METTL9: variants seen among roughly 807,000 people sequenced by gnomAD.
METTL9 encodes methyltransferase 9, His-X-His N1(pi)-histidine.
METTL9 carries 10 observed loss-of-function variants against 36.0 expected under a neutral mutation model. The observed-to-expected ratio is 0.28, with a 90% confidence interval of 0.17 to 0.47. The LOEUF (loss-of-function observed/expected upper bound fraction) is 0.47, where lower values mean the gene tolerates loss of function less well. Ranked by LOEUF, METTL9 falls within the 20% of genes least tolerant of loss-of-function variation. The pLI, the probability that METTL9 is intolerant of heterozygous loss-of-function variation, is 0.99. For missense variants in METTL9, 246 were observed against 383.5 expected, an observed-to-expected ratio of 0.64 and a Z score of 3.00; for synonymous variants, 175 against 149.7, an observed-to-expected ratio of 1.17 and a Z score of -1.23.
intron 1 of METTL9, among the ~76,000 whole-genome samples, chr16:21,606,875 G>T (rs532609012): frequency 1.2e-4 from 19 of 152,098 alleles, no homozygotes; most frequent in African/African-American, 4.6e-4. Context: ...TTGTATTTTG[G>T]GAATGTTGTA....
intron 1 of METTL9, among the ~76,000 whole-genome samples, chr16:21,605,298 A>G (rs1365639054): frequency 2.6e-4 from 6 of 23,392 alleles, no homozygotes; most frequent in East Asian, 8.0e-4. Context: ...TTTTTTTTTG[A>G]GAAACAAGTT....
intron 4 of METTL9, among the ~76,000 whole-genome samples, chr16:21,650,218 G>A (rs1966531219): frequency 6.6e-6 from 1 of 152,114 alleles, no homozygotes; most frequent in Non-Finnish European, 1.5e-5. Context: ...TCTATAAAAG[G>A]AATAGAGGCT....
intron 4 of METTL9, chr16:21,644,292 T>G: frequency 6.2e-7 from 1 of 1,601,966 alleles, no homozygotes; most frequent in South Asian, 1.1e-5. Flanking sequence ...TGACTTACTT[T>G]GGAGAGGAGT....
chr16:21,625,154 G>A, intron 4 of METTL9, 39 bp downstream of exon 4: 2 of 1,600,112 alleles, frequency 1.2e-6, no homozygotes, highest in African/African-American at 2.7e-5. Flanking sequence ...ACTGAGGATA[G>A]CTGTTTATTG....
intron 4 of METTL9, chr16:21,646,934 G>T: frequency 1.5e-6 from 1 of 653,202 alleles, no homozygotes; most frequent in Non-Finnish European, 2.7e-6. Flanking sequence ...GATTACAGGT[G>T]TGAGCCACCA....
At chr16:21,624,796 C>A in intron 3 of METTL9, 135 bp from the exon 4 acceptor site, 1 of 804,340 alleles carries the variant, frequency 1.2e-6, no homozygotes, top group Non-Finnish European at 1.9e-6. Context: ...GTCATTATTG[C>A]AAACATAAAT....
At chr16:21,635,059 G>T (rs900342605) in intron 4 of METTL9, among the ~76,000 whole-genome samples, 1 of 152,130 alleles carries the variant, frequency 6.6e-6, no homozygotes, top group African/African-American at 2.4e-5. Flanking sequence ...CTCTCGGGCT[G>T]CAGCTAAAGC....
At chr16:21,649,710 C>T (rs1966519166) in intron 4 of METTL9, among the ~76,000 whole-genome samples, 1 of 152,046 alleles carries the variant, frequency 6.6e-6, no homozygotes, top group African/African-American at 2.4e-5. Flanking sequence ...ATTATTTACA[C>T]ATTTTTATTT....
chr16:21,630,132 C>T (rs970814068), intron 4 of METTL9, among the ~76,000 whole-genome samples: 19 of 152,230 alleles, frequency 1.2e-4, no homozygotes, highest in Admixed American at 8.5e-4. Context: ...GGTCCCCACC[C>T]GACCCAGAAG....
chr16:21,629,549 G>A lies in METTL9; in HGVS notation c.751+4434G>A, dbSNP rs145722911. On this transcript the variant is annotated intron_variant, in intron 4 of 4. Coordinates refer to ENST00000358154, the MANE Select transcript of METTL9 (RefSeq NM_016025.5). Reference sequence around the variant, plus strand: ...GGTGAGTGTTACAGTTCATAAAGGCGGCCTGTCTGGAGGTGTTAGTTCCTT... The same window carrying A: ...GGTGAGTGTTACAGTTCATAAAGGCAGCCTGTCTGGAGGTGTTAGTTCCTT... Among the ~76,000 whole-genome samples the A allele has an allele frequency of 1.4e-4, 22 of 152,268 alleles. No individual in the cohort carries two copies. The East Asian group carries it at 3.3e-3, about 23-fold the overall frequency.
chr16:21,649,184 G>T (rs1035026570), intron 4 of METTL9, among the ~76,000 whole-genome samples: 1 of 152,092 alleles, frequency 6.6e-6, no homozygotes, highest in Non-Finnish European at 1.5e-5. Context: ...GTAGAGACAG[G>T]GTTTCACCTT....
intron 4 of METTL9, chr16:21,642,176 T>G (rs2141611003): frequency 6.6e-6 from 1 of 150,790 alleles, no homozygotes; most frequent in Admixed American, 6.6e-5. Flanking sequence ...AAGAAAACAA[T>G]TAAAGTAAAA....
chr16:21,621,429 G>T (rs1449754504), intron 3 of METTL9, among the ~76,000 whole-genome samples: 1 of 151,932 alleles, frequency 6.6e-6, no homozygotes, highest in Non-Finnish European at 1.5e-5. Context: ...AGGTTCAAGT[G>T]ATTAGCCTGC....
chr16:21,599,341 C>T (rs1965027594), upstream of METTL9: 3 of 945,418 alleles, frequency 3.2e-6, no homozygotes, highest in Non-Finnish European at 3.8e-6. This position sits in a 1 kb window ranked among gnomAD's most constrained non-coding sequence, Gnocchi z 4.4. Flanking sequence ...TTAAAACCAC[C>T]TCCGCCATTT....
Position 21,641,651 on chromosome 16 carries a change from C to T in METTL9, c.752-13576C>T, listed in dbSNP as rs1028888623. ...AAGGTTATGTAACCAATGAAGCCAA[C>T]TGCCAAGGAACATGCAAACCACTGG... On this transcript the variant is annotated intron_variant, in intron 4 of 4. Coordinates refer to ENST00000358154, the MANE Select transcript of METTL9 (RefSeq NM_016025.5). 5.4e-6 allele frequency: 6 copies of T among 1,104,292 alleles called. No individual in the cohort carries two copies. The African/African-American group carries it at 9.5e-5, about 17-fold the overall frequency. 68.4% of individuals were successfully genotyped at this position (1,104,292 alleles called of 1,614,324 possible).
At chr16:21,650,025 A>G (rs1455301624) in intron 4 of METTL9, among the ~76,000 whole-genome samples, 2 of 152,252 alleles carry the variant, frequency 1.3e-5, no homozygotes, top group South Asian at 2.1e-4. Flanking sequence ...TGGTGTGGCC[A>G]TTAGTCACAG....
intron 4 of METTL9, among the ~76,000 whole-genome samples, chr16:21,637,173 C>G (rs1222583029): frequency 6.6e-6 from 1 of 152,174 alleles, no homozygotes; most frequent in African/African-American, 2.4e-5. Context: ...CCTTATCTGG[C>G]CCCACCAACA....
intron 4 of METTL9, chr16:21,644,465 T>G: frequency 4.6e-6 from 5 of 1,088,454 alleles, no homozygotes; most frequent in Non-Finnish European, 7.0e-6. Context: ...ATGTGTAAAG[T>G]ATCCTTCACA....
At chr16:21,629,885 C>T (rs1965907296) in intron 4 of METTL9, among the ~76,000 whole-genome samples, 3 of 152,060 alleles carry the variant, frequency 2.0e-5, no homozygotes, top group South Asian at 2.1e-4. Flanking sequence ...CTGATTGGTG[C>T]GTTTACACCT....
Sources: gnomAD v4.1 joint callset for allele counts (sites outside exome capture counted in the v4.1 genomes callset) on GRCh38, gnomAD v4.1.1 for gene constraint, Gnocchi (gnomAD v3.1) non-coding constraint, MANE v1.5 for transcripts, NCBI Gene and HGNC (gene_info 2026-07-23, HGNC 2026-07-21) for gene names.